ALDH7A1: variants seen among roughly 807,000 people sequenced by gnomAD.
The protein encoded by ALDH7A1 is aldehyde dehydrogenase 7 family member A1, also known as alpha-aminoadipic semialdehyde dehydrogenase.
Under a neutral mutation model 79.9 loss-of-function variants are expected in ALDH7A1, and 63 were observed. The ratio of observed to expected loss-of-function variants is 0.79; its 90% CI spans 0.64 to 0.97. The LOEUF (loss-of-function observed/expected upper bound fraction) is 0.97, where lower values mean the gene tolerates loss of function less well. Among genes scored for constraint, ALDH7A1 ranks in the 50% least tolerant of loss-of-function variants. The pLI is 0.00. For synonymous variants in ALDH7A1, 240 were observed against 231.2 expected (o/e 1.04, Z -0.34); for missense variants, 627 against 665.2 (o/e 0.94, Z 0.63).
intron 3 of ALDH7A1, among the ~76,000 whole-genome samples, chr5:126,590,902 G>T (rs1463358532): frequency 7.4e-6 from 1 of 136,000 alleles, no homozygotes; most frequent in Non-Finnish European, 1.5e-5. Flanking sequence ...AAAAAAAAAA[G>T]CAATAACTTT....
intron 5 of ALDH7A1, among the ~76,000 whole-genome samples, chr5:126,578,638 C>CAAAAAAAAAAAAAA (rs70994880): frequency 2.2e-5 from 2 of 90,380 alleles, no homozygotes; most frequent in African/African-American, 3.4e-5. Context: ...GACCCTGTAT[C>CAAAAAAAAAAAAAA]AAAAAAAAAA....
At chr5:126,589,721 G>A (rs990065419) in intron 3 of ALDH7A1, among the ~76,000 whole-genome samples, 4 of 150,480 alleles carry the variant, frequency 2.7e-5, no homozygotes, top group African/African-American at 4.9e-5. Flanking sequence ...CTGCCCGGCC[G>A]CCCCACCATC....
At position 126,544,918 on chromosome 5, in the gene ALDH7A1, C is replaced by T; in HGVS notation, c.*47G>A. Reference sequence around the variant, plus strand: ...TAATTTTCTTTGTCTTCTCCAAAAACAGCTGCTGGAACACCTCAAATTAAG... The same window carrying T: ...TAATTTTCTTTGTCTTCTCCAAAAATAGCTGCTGGAACACCTCAAATTAAG... On this transcript the variant is annotated 3_prime_UTR_variant, in exon 18 of 18. Transcript: ENST00000409134. The T allele has an allele frequency of 1.3e-6, 2 of 1,496,538 alleles. No homozygotes were observed. Among genetic ancestry groups the T allele is most frequent in the Non-Finnish European group, 1.9e-6 (2 of 1,074,236 alleles). The allele number at this position is 1,496,538 out of a possible 1,614,324, so 92.7% of individuals were successfully genotyped here. A position where few individuals can be genotyped will look rare whatever the true frequency, so the allele number is the denominator to read the frequency against.
chr5:126,564,035 C>T (rs1410967098), intron 9 of ALDH7A1, among the ~76,000 whole-genome samples: 3 of 152,156 alleles, frequency 2.0e-5, no homozygotes, highest in African/African-American at 4.8e-5. Context: ...GATCCACCCA[C>T]CTTGACCTCC....
rs1354787096 is a variant in ALDH7A1 at position 126,592,723 on chromosome 5, C to A, written c.253G>T (p.Val85Leu). 6.2e-7 allele frequency: 1 copy of A among 1,613,796 alleles called. No individual in the cohort carries two copies. The highest frequency in any genetic ancestry group is 1.7e-5 in the Admixed American group (1 of 59,994). The change falls in exon 3 of 18, where the codon GTG (valine) becomes TTG (leucine). Residue 85 changes from valine to leucine, a missense_variant. By Grantham distance (32) the Val-to-Leu change is conservative (BLOSUM62 1). Coordinates refer to ENST00000409134, the MANE Select transcript of ALDH7A1 (RefSeq NM_001182.5). The stretch of plus-strand genomic sequence containing the variant: ...TTTACAGTTTCTTCATAGTCTGCCA[C>A]ACTGGCCTAAATTAAGAATTAGGGG... Reference protein sequence around the residue: ...EPIARVRQASVADYEETVKKA... With the variant: ...EPIARVRQASLADYEETVKKA...
intron 8 of ALDH7A1, chr5:126,569,472 A>G (rs1750705859): frequency 2.0e-5 from 3 of 152,264 alleles, no homozygotes. Flanking sequence ...CAAAGGGTCC[A>G]GTGTGAACCA....
chr5:126,570,918 G>C, intron 7 of ALDH7A1, 59 bp from the exon 8 acceptor site: 1 of 1,530,432 alleles, frequency 6.5e-7, no homozygotes. Flanking sequence ...TAAAAACAAG[G>C]AATAAATTCC....
intron 1 of ALDH7A1, chr5:126,594,420 C>T (rs1019855614): frequency 6.2e-6 from 2 of 321,804 alleles, no homozygotes; most frequent in Non-Finnish European, 1.3e-5. Flanking sequence ...CCATAGATCC[C>T]AAGACCATAA....
At chr5:126,570,955 T>C in intron 7 of ALDH7A1, 96 bp from the exon 8 acceptor site, 1 of 1,186,332 alleles carries the variant, frequency 8.4e-7, no homozygotes, top group Non-Finnish European at 1.3e-6. Flanking sequence ...TTTTTTCAAC[T>C]TTCTCTCCCA....
chr5:126,562,147 T>C lies in ALDH7A1; in HGVS notation c.872-1023A>G, dbSNP rs564600136. 3.9e-5 allele frequency: 6 copies of C among 152,314 alleles called. No individual in the cohort carries two copies. In the East Asian group the frequency reaches 1.2e-3, roughly 29 times the overall value. 9.4% of individuals were successfully genotyped at this position (152,314 alleles called of 1,614,324 possible). A position where few individuals can be genotyped will look rare whatever the true frequency, so the allele number is the denominator to read the frequency against. On this transcript the variant is annotated intron_variant, in intron 9 of 17. Transcript: ENST00000409134. ...CCCAAATGTGCATCATCTGATGAAT[T>C]AGTAAATGTGGTATAACAATACAGT...
chr5:126,570,301 G>A (rs1212113152), intron 8 of ALDH7A1: 1 of 188,028 alleles, frequency 5.3e-6, no homozygotes, highest in African/African-American at 2.4e-5. Flanking sequence ...ATGATTTTAT[G>A]GTACACGAAT....
chr5:126,556,389 C>T (rs1246109230), intron 11 of ALDH7A1, among the ~76,000 whole-genome samples: 1 of 151,846 alleles, frequency 6.6e-6, no homozygotes, highest in Non-Finnish European at 1.5e-5. Context: ...ATTACAGGCA[C>T]CCACCACCAC....
chr5:126,575,518 A>G (rs1352578159), intron 6 of ALDH7A1, 54 bp from the exon 7 acceptor site: 3 of 1,492,508 alleles, frequency 2.0e-6, no homozygotes, highest in African/African-American at 2.8e-5. Flanking sequence ...GACGGAAACC[A>G]TAAATACCTT....
intron 16 of ALDH7A1, among the ~76,000 whole-genome samples, chr5:126,549,094 AAAAAAAG>A (rs1168373670): frequency 7.1e-6 from 1 of 140,226 alleles, no homozygotes; most frequent in Non-Finnish European, 1.6e-5. Flanking sequence ...AAAAAAAAAA[AAAAAAAG>A]GAATAGTCAA....
rs142750791 is a variant in ALDH7A1 at position 126,552,297 on chromosome 5, C to A, written c.1201-160G>T. On this transcript the variant is annotated intron_variant, in intron 13 of 17. Transcript: ENST00000409134. Reference sequence around the variant, plus strand: ...TAACTTCCAATCATGAAAGAAAATTCTCTCTTCCTGATATTGGTTCTAACT... The same window carrying A: ...TAACTTCCAATCATGAAAGAAAATTATCTCTTCCTGATATTGGTTCTAACT... Among the ~76,000 whole-genome samples, 5 of 152,238 alleles carry A rather than the reference C, an allele frequency of 3.3e-5. No individual in the cohort carries two copies. In the East Asian group the frequency reaches 9.6e-4, roughly 29 times the overall value.
chr5:126,543,521 T>C lies in ALDH7A1; in HGVS notation c.*1444A>G, dbSNP rs1230811754. ...GGCCATGGGACATATTATGAATACC[T>C]TTGCTTCCCAGATACATTTATAATT... is the stretch of plus-strand genomic sequence containing the variant. On this transcript the variant is annotated 3_prime_UTR_variant, in exon 18 of 18. Transcript: ENST00000409134. 6.6e-6 allele frequency: 1 copy of C among 152,194 alleles called. No homozygotes were observed. The highest frequency in any genetic ancestry group is 1.5e-5 in the Non-Finnish European group (1 of 68,036). The allele number at this position is 152,194 out of a possible 1,614,324, so 9.4% of individuals were successfully genotyped here. A position where few individuals can be genotyped will look rare whatever the true frequency, so the allele number is the denominator to read the frequency against.
intron 9 of ALDH7A1, among the ~76,000 whole-genome samples, chr5:126,566,672 C>G (rs1475731499): frequency 6.6e-6 from 1 of 152,104 alleles, no homozygotes; most frequent in Non-Finnish European, 1.5e-5. Flanking sequence ...CCTTTTCAAT[C>G]ATGTATCCAG....
At chr5:126,574,170 G>A (rs754154296) in intron 7 of ALDH7A1, among the ~76,000 whole-genome samples, 4 of 152,060 alleles carry the variant, frequency 2.6e-5, no homozygotes, top group African/African-American at 4.8e-5. Flanking sequence ...GGAGGCCAAG[G>A]CAGGCGGATC....
chr5:126,593,310 C>CACACACACAA (rs2112816920), intron 2 of ALDH7A1, 41 bp downstream of exon 2: 2 of 369,798 alleles, frequency 5.4e-6, no homozygotes, highest in East Asian at 5.9e-5. Context: ...TTGAATTAAA[C>CACACACACAA]ACACACACAC....
Sources: gnomAD v4.1 joint callset for allele counts (sites outside exome capture counted in the v4.1 genomes callset) on GRCh38, gnomAD v4.1.1 for gene constraint, MANE v1.5 for transcripts, NCBI Gene and HGNC (gene_info 2026-07-23, HGNC 2026-07-21) for gene names.